The following MBD5 variants were observed in gnomAD, a reference collection of about 807,000 sequenced individuals.
The protein encoded by MBD5 is methyl-CpG binding domain protein 5, also known as methyl-CpG-binding domain protein 5.
MBD5 carries 13 observed loss-of-function variants against 117.3 expected under a neutral mutation model. The observed-to-expected ratio is 0.11, with a 90% CI of 0.07 to 0.18. The LOEUF (loss-of-function observed/expected upper bound fraction) is 0.18. MBD5 is among the 10% of genes least tolerant of loss of function. The pLI is 1.00. For synonymous variants in MBD5, 727 were observed against 766.4 expected (o/e 0.95, Z 0.85); for missense variants, 1,879 against 2,093.8 (o/e 0.90, Z 2.00).
At position 148,294,510 on chromosome 2, in the gene MBD5, T is replaced by TG. The variant is rs1559009560; in HGVS notation, c.-679-47704_-679-47703insG. ...AAGTGCTGGGATTACAGTTTTTTTT[T>TG]TTTTTTTTTTTGAGATAGAGCTGGC... On this transcript the variant is annotated intron_variant, in intron 3 of 13. Transcript: ENST00000642680. Among the ~76,000 whole-genome samples the TG allele has an allele frequency of 5.3e-5, 7 of 133,168 alleles. No individual in the cohort carries two copies. The Admixed American group carries it at 5.3e-4, about 10-fold the overall frequency. The allele number at this position is 133,168 out of a possible 152,430, so 87.4% of individuals were successfully genotyped here. A position where few individuals can be genotyped will look rare whatever the true frequency, so the allele number is the denominator to read the frequency against.
intron 1 of MBD5, chr2:148,072,007 T>G (rs1334496752): frequency 6.6e-6 from 1 of 152,182 alleles, no homozygotes; most frequent in Admixed American, 6.5e-5. Flanking sequence ...TCTTGCATGT[T>G]CAGACATTTT....
rs193073991 is a variant in MBD5 at position 148,403,441 on chromosome 2, A to G, written c.-556-54762A>G. 4.1e-3 allele frequency among the ~76,000 whole-genome samples: 622 copies of G among 152,244 alleles called. 2 individuals are homozygous for G. Among genetic ancestry groups the G allele is most frequent in the Non-Finnish European group, 7.0e-3 (477 of 68,016 alleles). On this transcript the variant is annotated intron_variant, in intron 4 of 13. Transcript: ENST00000642680. Reference sequence around the variant, plus strand: ...GTGATCCACCCTCCTTGATCTCCCAAAGTTCTGGGATTATAGGAGTGAACC... The same window carrying G: ...GTGATCCACCCTCCTTGATCTCCCAGAGTTCTGGGATTATAGGAGTGAACC...
chr2:148,161,315 T>C (rs1322264869), intron 1 of MBD5, among the ~76,000 whole-genome samples: 1 of 152,140 alleles, frequency 6.6e-6, no homozygotes, highest in Non-Finnish European at 1.5e-5. Flanking sequence ...CCATTGGACT[T>C]AGCATCTCAT....
At chr2:148,202,615 A>C (rs968187496) in intron 2 of MBD5, among the ~76,000 whole-genome samples, 1 of 152,216 alleles carries the variant, frequency 6.6e-6, no homozygotes, top group African/African-American at 2.4e-5. Context: ...ACAAAGAGAA[A>C]CTATTAGTGA....
intron 4 of MBD5, among the ~76,000 whole-genome samples, chr2:148,345,368 C>G (rs967023696): frequency 7.2e-6 from 1 of 139,002 alleles, no homozygotes; most frequent in Non-Finnish European, 1.6e-5. Flanking sequence ...TACACATATA[C>G]ATATACACAT....
chr2:148,307,142 T>C (rs1385351615), intron 3 of MBD5, among the ~76,000 whole-genome samples: 1 of 152,172 alleles, frequency 6.6e-6, no homozygotes, highest in Non-Finnish European at 1.5e-5. Flanking sequence ...TTAACCAAAG[T>C]AATTATAAAA....
intron 1 of MBD5, among the ~76,000 whole-genome samples, chr2:148,061,026 C>T (rs1280498239): frequency 6.6e-6 from 1 of 152,056 alleles, no homozygotes; most frequent in Non-Finnish European, 1.5e-5. Flanking sequence ...TTTTCCCAAT[C>T]CCAGAATGAC....
At chr2:148,235,158 G>C (rs1003019341) in intron 3 of MBD5, among the ~76,000 whole-genome samples, 3 of 152,012 alleles carry the variant, frequency 2.0e-5, no homozygotes, top group Non-Finnish European at 4.4e-5. Flanking sequence ...TAGGTAAATA[G>C]CTGTTATATT....
intron 1 of MBD5, among the ~76,000 whole-genome samples, chr2:148,099,618 G>A (rs1254998856): frequency 1.3e-5 from 2 of 152,098 alleles, no homozygotes; most frequent in Non-Finnish European, 2.9e-5. Flanking sequence ...AATGAGCTGA[G>A]GGAGAACTGT....
At chr2:148,444,191 T>A (rs570672307) in intron 4 of MBD5, among the ~76,000 whole-genome samples, 1 of 151,634 alleles carries the variant, frequency 6.6e-6, no homozygotes, top group East Asian at 1.9e-4. Flanking sequence ...TTCTCATAAG[T>A]TAGAGACTTC....
chr2:148,384,464 A>C (rs539760425), intron 4 of MBD5, among the ~76,000 whole-genome samples: 168 of 152,356 alleles, frequency 1.1e-3, no homozygotes, highest in African/African-American at 3.4e-3. Flanking sequence ...ATAAAAGAGG[A>C]TACAAACACA....
intron 1 of MBD5, among the ~76,000 whole-genome samples, chr2:148,024,267 T>C (rs1222020705): frequency 6.6e-6 from 1 of 152,258 alleles, no homozygotes; most frequent in Non-Finnish European, 1.5e-5. Context: ...AGGTTATTAC[T>C]ATTTTGAAAA....
chr2:148,162,234 G>A (rs1337071721), intron 1 of MBD5, among the ~76,000 whole-genome samples: 4 of 152,150 alleles, frequency 2.6e-5, no homozygotes, highest in Non-Finnish European at 5.9e-5. Context: ...AGCTTCAGTT[G>A]GCGCCTGTGA....
At position 148,337,791 on chromosome 2, in the gene MBD5, A is replaced by G. The variant is rs186818094; in HGVS notation, c.-679-4423A>G. On this transcript the variant is annotated intron_variant, in intron 3 of 13. Coordinates refer to ENST00000642680, the MANE Select transcript of MBD5 (RefSeq NM_001378120.1). ...CAGATAAAAAGTAGCTTTATTGGCAAAGGTATCTTTTTTTCCTTCACTGCT... is the reference window on the plus strand; with the variant it reads ...CAGATAAAAAGTAGCTTTATTGGCAGAGGTATCTTTTTTTCCTTCACTGCT... Among the ~76,000 whole-genome samples, 90 of 152,264 alleles carry G rather than the reference A, an allele frequency of 5.9e-4. 2 individuals are homozygous for G. Among genetic ancestry groups the G allele is most frequent in the East Asian group, 1.4e-3 (7 of 5,178 alleles).
intron 4 of MBD5, among the ~76,000 whole-genome samples, chr2:148,364,768 G>A (rs961667547): frequency 6.6e-6 from 1 of 152,182 alleles, no homozygotes; most frequent in African/African-American, 2.4e-5. Flanking sequence ...ATGGTAAAGG[G>A]ATCAATGCAA....
At chr2:148,102,165 G>T (rs919481833) in intron 1 of MBD5, among the ~76,000 whole-genome samples, 3 of 152,092 alleles carry the variant, frequency 2.0e-5, no homozygotes, top group African/African-American at 7.2e-5. Flanking sequence ...TAAGAACAAG[G>T]TTGAACTGTA....
chr2:148,097,204 A>G (rs1696092162), intron 1 of MBD5, among the ~76,000 whole-genome samples: 1 of 152,242 alleles, frequency 6.6e-6, no homozygotes, highest in African/African-American at 2.4e-5. Flanking sequence ...GAAAAGTTAT[A>G]GAAAAATACT....
chr2:148,323,006 C>T (rs1702328123), intron 3 of MBD5, among the ~76,000 whole-genome samples: 1 of 146,112 alleles, frequency 6.8e-6, no homozygotes. Context: ...TCCCCCAACC[C>T]CACAACAGTC....
intron 8 of MBD5, among the ~76,000 whole-genome samples, chr2:148,476,601 T>C (rs1345864846): frequency 6.6e-6 from 1 of 152,182 alleles, no homozygotes; most frequent in African/African-American, 2.4e-5. Flanking sequence ...CATTTCCTTT[T>C]CAATTTCATT....
Sources: gnomAD v4.1 joint callset for allele counts (sites outside exome capture counted in the v4.1 genomes callset) on GRCh38, gnomAD v4.1.1 for gene constraint, MANE v1.5 for transcripts, NCBI Gene and HGNC (gene_info 2026-07-23, HGNC 2026-07-21) for gene names.